The following NRXN3 variants were observed in gnomAD, a reference collection of about 807,000 sequenced individuals.
NRXN3 encodes neurexin III.
In NRXN3, 32 loss-of-function variants were observed where a neutral mutation model predicts 137.6. The observed-to-expected ratio is 0.23, with a 90% CI of 0.18 to 0.31. The LOEUF is 0.31. Ranked by LOEUF, NRXN3 falls within the 10% of genes least tolerant of loss-of-function variation. The pLI, the probability that NRXN3 is intolerant of heterozygous loss-of-function variation, is 1.00. For missense variants in NRXN3, 1,574 were observed against 2,062.5 expected, an observed-to-expected ratio of 0.76 and a Z score of 4.59; for synonymous variants, 798 against 784.5, an observed-to-expected ratio of 1.02 and a Z score of -0.29.
At chr14:79,847,026 G>A (rs1179993659) in intron 20 of NRXN3, among the ~76,000 whole-genome samples, 2 of 152,166 alleles carry the variant, frequency 1.3e-5, no homozygotes, top group African/African-American at 2.4e-5. Flanking sequence ...AATTCTAAAA[G>A]TGCTTCTCTA....
intron 1 of NRXN3, among the ~76,000 whole-genome samples, chr14:78,212,569 C>G (rs532859851): frequency 1.0e-3 from 153 of 152,232 alleles, no homozygotes; most frequent in African/African-American, 3.6e-3. Flanking sequence ...GCCAGGCTGT[C>G]AAAATAAAGA....
At chr14:78,532,150 CA>C (rs386381910) in intron 4 of NRXN3, among the ~76,000 whole-genome samples, 39,293 of 121,228 alleles carry the variant, frequency 0.32, 6,624 homozygotes, top group Admixed American at 0.41. Context: ...ACTAAAAATA[CA>C]AAAAAAAAAA....
At chr14:78,469,294 C>T (rs2095206684) in intron 4 of NRXN3, among the ~76,000 whole-genome samples, 1 of 152,136 alleles carries the variant, frequency 6.6e-6, no homozygotes, top group Non-Finnish European at 1.5e-5. Context: ...ATGAAAAATA[C>T]TGATGCCTGG....
intron 15 of NRXN3, among the ~76,000 whole-genome samples, chr14:79,236,486 A>G (rs1465249822): frequency 6.6e-6 from 1 of 152,146 alleles, no homozygotes; most frequent in Non-Finnish European, 1.5e-5. Flanking sequence ...TTTCAAGTAT[A>G]TGAGAGCTCT....
rs2099416559 is a variant in NRXN3, at chr14:79,863,924, A to G, written c.*1960A>G. On this transcript the variant is annotated 3_prime_UTR_variant, in exon 21 of 21. Transcript: ENST00000335750. The stretch of plus-strand genomic sequence containing the variant: ...TTAACGACATGGGGCAAAAAGTGCA[A>G]TCTAAATGGTAGCCTTTACTAATGT... The G allele has an allele frequency of 6.6e-6, 1 of 152,602 alleles. No homozygotes were observed. Among genetic ancestry groups the G allele is most frequent in the Non-Finnish European group, 1.5e-5 (1 of 68,040 alleles). 9.5% of individuals were successfully genotyped at this position (152,602 alleles called of 1,614,324 possible).
intron 20 of NRXN3, among the ~76,000 whole-genome samples, chr14:79,845,228 AT>A (rs2099364549): frequency 2.6e-5 from 4 of 152,212 alleles, no homozygotes; most frequent in Admixed American, 6.5e-5. Flanking sequence ...AATATTTTCC[AT>A]ATCAGCAATA....
chr14:79,327,842 A>G (rs2091123648), intron 15 of NRXN3, among the ~76,000 whole-genome samples: 1 of 152,234 alleles, frequency 6.6e-6, no homozygotes, highest in Admixed American at 6.5e-5. Context: ...TTGGTTGCCT[A>G]AAATGATATG....
In NRXN3 at chr14:79,222,214, T is replaced by C. The variant is rs148640908; in HGVS notation, c.3262+234073T>C. 8.0e-3 allele frequency among the ~76,000 whole-genome samples: 1,222 copies of C among 152,338 alleles called. 33 individuals are homozygous for C. The South Asian group carries it at 0.085, about 11-fold the overall frequency. On this transcript the variant is annotated intron_variant, in intron 15 of 20. Coordinates refer to ENST00000335750, the MANE Select transcript of NRXN3 (RefSeq NM_001330195.2). Reference sequence around the variant, plus strand: ...ATGCCCCCAGCTTTGTTCTTTTTGCTTGGGATTGTCTTGGCTATACGGGCT... The same window carrying C: ...ATGCCCCCAGCTTTGTTCTTTTTGCCTGGGATTGTCTTGGCTATACGGGCT...
Position 78,243,312 on chromosome 14 carries a change from C to T in NRXN3, c.219C>T (p.Cys73=), listed in dbSNP as rs370984538. 484 of 1,558,942 alleles carry T rather than the reference C, an allele frequency of 3.1e-4. No homozygotes were observed. Among genetic ancestry groups the T allele is most frequent in the Non-Finnish European group, 3.9e-4 (457 of 1,159,990 alleles). ...TCTACCTGGATGATGGCGGCGTCTG[C>T]GACTTCCTATGCCTCTCCCTGGTGG... The part of the protein sequence containing the change: ...LLLYLDDGGV[C]DFLCLSLVDG... Residue 73 remains cysteine, a synonymous_variant, in exon 2 of 21, where the codon TGC becomes TGT. Transcript: ENST00000335750. The surrounding 1 kb of genome is among the most constrained non-coding windows in gnomAD (Gnocchi z 4.2).
chr14:79,030,740 T>C (rs977834737), intron 15 of NRXN3, among the ~76,000 whole-genome samples: 3 of 151,140 alleles, frequency 2.0e-5, no homozygotes, highest in African/African-American at 7.3e-5. Flanking sequence ...CCTGATTTCA[T>C]TTTGGTGTGG....
chr14:79,706,835 T>G (rs954631389), intron 19 of NRXN3, among the ~76,000 whole-genome samples: 2 of 152,220 alleles, frequency 1.3e-5, no homozygotes, highest in African/African-American at 4.8e-5. Flanking sequence ...GAACATCTGC[T>G]TCTTAGAGCT....
intron 10 of NRXN3, among the ~76,000 whole-genome samples, chr14:78,877,109 T>C (rs2099115732): frequency 6.6e-6 from 1 of 152,244 alleles, no homozygotes; most frequent in African/African-American, 2.4e-5. Context: ...CTCGATATTG[T>C]AGACTTTCCA....
rs2141954377 is a variant in NRXN3, at chr14:79,861,164, A to G, written c.4094-178A>G. 6.6e-7 allele frequency: 1 copy of G among 1,506,894 alleles called. No individual in the cohort carries two copies. The highest frequency in any genetic ancestry group is 1.2e-5 in the South Asian group (1 of 82,642). The allele number at this position is 1,506,894 out of a possible 1,614,324, so 93.3% of individuals were successfully genotyped here. On this transcript the variant is annotated intron_variant, in intron 20 of 20. Coordinates refer to ENST00000335750, the MANE Select transcript of NRXN3 (RefSeq NM_001330195.2). The surrounding 1 kb of genome is among the most constrained non-coding windows in gnomAD (Gnocchi z 5.4). ...CCTCCTCACCATTATTGAGACCACC[A>G]AAGATTCCCTGTCCATGACCTCTGA...
Position 79,746,042 on chromosome 14 carries a change from T to C in NRXN3, c.4014+48105T>C, listed in dbSNP as rs184767166. Among the ~76,000 whole-genome samples, 51 of 152,246 alleles carry C rather than the reference T, an allele frequency of 3.3e-4. No homozygotes were observed. In the Middle Eastern group the frequency reaches 0.014, roughly 41 times the overall value. On this transcript the variant is annotated intron_variant, in intron 19 of 20. Coordinates refer to ENST00000335750, the MANE Select transcript of NRXN3 (RefSeq NM_001330195.2). ...ACTTCACATTCTGAGGTAGCGGGGA[T>C]TAGAACTTCAACATATGTATTTTTG... is the stretch of plus-strand genomic sequence containing the variant.
At chr14:78,207,377 T>G (rs1489191529) in intron 1 of NRXN3, among the ~76,000 whole-genome samples, 2 of 152,166 alleles carry the variant, frequency 1.3e-5, no homozygotes, top group Non-Finnish European at 2.9e-5. Flanking sequence ...TGCTTTTCAC[T>G]ACTGTTCAAG....
At chr14:78,434,290 G>T (rs2093988559) in intron 4 of NRXN3, among the ~76,000 whole-genome samples, 2 of 152,098 alleles carry the variant, frequency 1.3e-5, no homozygotes, top group East Asian at 1.9e-4. Context: ...TCCTTCTGAG[G>T]GTTGTGAGGG....
chr14:79,829,171 T>C (rs2099315109), intron 20 of NRXN3, among the ~76,000 whole-genome samples: 1 of 152,230 alleles, frequency 6.6e-6, no homozygotes, highest in Non-Finnish European at 1.5e-5. Context: ...TTTGGGTTTG[T>C]GTGCTTACAG....
intron 15 of NRXN3, among the ~76,000 whole-genome samples, chr14:79,392,969 C>CAA (rs3036678): frequency 0.6 from 36,154 of 60,504 alleles, 10,967 homozygotes; most frequent in Middle Eastern, 0.76. Context: ...GGCTCCATCT[C>CAA]AAAAAAAAAA....
At chr14:78,245,034 A>G (rs1312458480) in intron 2 of NRXN3, among the ~76,000 whole-genome samples, 1 of 152,228 alleles carries the variant, frequency 6.6e-6, no homozygotes. Flanking sequence ...TTTGGGTAGC[A>G]GGAACTGCTG....
Sources: allele counts gnomAD v4.1 joint callset (sites outside exome capture counted in the v4.1 genomes callset), GRCh38; gene constraint gnomAD v4.1.1; non-coding constraint Gnocchi (gnomAD v3.1); transcripts MANE v1.5; gene names NCBI Gene and HGNC (gene_info 2026-07-23, HGNC 2026-07-21).